The following INSR variants were observed in gnomAD, a reference collection of about 807,000 sequenced individuals.
The protein encoded by INSR is insulin receptor, also known as IR.
Under a neutral mutation model 142.6 loss-of-function variants are expected in INSR, and 67 were observed. The ratio of observed to expected loss-of-function variants is 0.47; its 90% CI spans 0.39 to 0.58. The LOEUF (loss-of-function observed/expected upper bound fraction) is 0.58, where lower values mean the gene tolerates loss of function less well. INSR is among the 20% of genes least tolerant of loss of function. The pLI, the probability that INSR is intolerant of heterozygous loss-of-function variation, is 0.00. For missense variants in INSR, 1,248 were observed against 1,833.2 expected (o/e 0.68, Z 5.83); for synonymous variants, 756 against 743.1 (o/e 1.02, Z -0.28).
At chr19:7,196,968 C>G (rs1029442039) in intron 2 of INSR, among the ~76,000 whole-genome samples, 1 of 152,174 alleles carries the variant, frequency 6.6e-6, no homozygotes, top group Non-Finnish European at 1.5e-5. Context: ...GCCTTTCTCT[C>G]CCACACTGGC....
At chr19:7,191,403 G>A (rs1974586140) in intron 2 of INSR, among the ~76,000 whole-genome samples, 1 of 150,748 alleles carries the variant, frequency 6.6e-6, no homozygotes, top group African/African-American at 2.4e-5. Flanking sequence ...ACTCGGGGTG[G>A]CCACTGCACC....
At position 7,271,595 on chromosome 19, in the gene INSR, A is replaced by C. The variant is rs149884312; in HGVS notation, c.101-3699T>G. On this transcript the variant is annotated intron_variant, in intron 1 of 21. Transcript: ENST00000302850. ...TGGAAAACACTCTGGTAGTTCCTCAAAATATTAAACCAAGAATTGCCATAT... is the reference window on the plus strand; with the variant it reads ...TGGAAAACACTCTGGTAGTTCCTCACAATATTAAACCAAGAATTGCCATAT... Among the ~76,000 whole-genome samples the C allele has an allele frequency of 2.9e-3, 442 of 152,316 alleles. 8 individuals are homozygous for C. Among genetic ancestry groups the C allele is most frequent in the African/African-American group, 0.01 (428 of 41,584 alleles).
intron 9 of INSR, among the ~76,000 whole-genome samples, chr19:7,161,515 GC>G (rs1436515348): frequency 6.6e-6 from 1 of 152,116 alleles, no homozygotes. Context: ...CTCCCAATGT[GC>G]TGGGATTACA....
chr19:7,172,331 G>C lies in INSR; in HGVS notation c.1227C>G (p.Phe409Leu), dbSNP rs1974036344. The change falls in exon 5 of 22, where the codon TTC becomes TTG. Residue 409 changes from phenylalanine to leucine, a missense_variant. By Grantham distance (22) the Phe-to-Leu change is conservative. Coordinates refer to ENST00000302850, the MANE Select transcript of INSR (RefSeq NM_000208.4). The stretch of plus-strand genomic sequence containing the variant: ...CTCCTCGAATCAGACGTAACTTCCG[G>C]AAGAAGGAAAGTGACACCAGAGCGT... The part of the protein sequence containing the change: ...RSYALVSLSF[F>L]RKLRLIRGET... 4 of 1,614,136 alleles carry C rather than the reference G, an allele frequency of 2.5e-6. No individual in the cohort carries two copies. The highest frequency in any genetic ancestry group is 3.4e-6 in the Non-Finnish European group (4 of 1,180,028).
In INSR at chr19:7,153,013, C is replaced by CA. The variant is rs1568448984; in HGVS notation, c.2030-87_2030-86insT. ...CACACACACCCCACACACACACACA[C>CA]CACACACACACACCACACACACACA... is the stretch of plus-strand genomic sequence containing the variant. On this transcript the variant is annotated intron_variant, in intron 9 of 21. Transcript: ENST00000302850. 5.3e-4 allele frequency: 290 copies of CA among 545,052 alleles called. 2 individuals carry two copies. In the African/African-American group the frequency reaches 0.01, roughly 20 times the overall value. 33.8% of individuals were successfully genotyped at this position (545,052 alleles called of 1,614,324 possible). A position where few individuals can be genotyped will look rare whatever the true frequency, so the allele number is the denominator to read the frequency against.
chr19:7,214,838 CTCCT>C (rs1485499885), intron 2 of INSR, among the ~76,000 whole-genome samples: 11 of 144,824 alleles, frequency 7.6e-5, no homozygotes, highest in South Asian at 4.7e-4. Flanking sequence ...CCTTCCCTCC[CTCCT>C]TCCTTCCTTC....
intron 2 of INSR, among the ~76,000 whole-genome samples, chr19:7,190,304 C>T (rs571400169): frequency 1.2e-4 from 18 of 151,168 alleles, no homozygotes; most frequent in African/African-American, 3.9e-4. Flanking sequence ...CATGTTTTGG[C>T]TTTATAATCC....
intron 1 of INSR, among the ~76,000 whole-genome samples, chr19:7,287,383 A>G (rs1419277896): frequency 1.3e-5 from 2 of 151,328 alleles, no homozygotes; most frequent in African/African-American, 4.9e-5. Context: ...CTGGTCTCGA[A>G]CTCCTGACCT....
chr19:7,219,298 C>G (rs1975527053), intron 2 of INSR, among the ~76,000 whole-genome samples: 1 of 152,112 alleles, frequency 6.6e-6, no homozygotes, highest in South Asian at 2.1e-4. Context: ...GCTCCGGGCT[C>G]CAGTTACTTT....
intron 1 of INSR, among the ~76,000 whole-genome samples, chr19:7,282,753 G>A (rs868693069): frequency 1.3e-5 from 2 of 151,890 alleles, no homozygotes; most frequent in African/African-American, 2.4e-5. Flanking sequence ...TTGGGAGGCC[G>A]AGGTGGGGGA....
chr19:7,235,966 C>T (rs1976145855), intron 2 of INSR, among the ~76,000 whole-genome samples: 1 of 126,404 alleles, frequency 7.9e-6, no homozygotes, highest in Admixed American at 9.5e-5. Context: ...ACAATCTGGC[C>T]TTTCCTTTTT....
chr19:7,120,218 C>G (rs770072858), intron 20 of INSR, among the ~76,000 whole-genome samples: 1 of 152,200 alleles, frequency 6.6e-6, no homozygotes, highest in Non-Finnish European at 1.5e-5. Context: ...CTCCCCACTT[C>G]GAGTTGTCTC....
At chr19:7,233,182 C>T (rs12982634) in intron 2 of INSR, among the ~76,000 whole-genome samples, 34,642 of 151,932 alleles carry the variant, frequency 0.23, 5,034 homozygotes, top group Non-Finnish European at 0.32. Context: ...TTAATAGAGA[C>T]GGGGTTTCAC....
rs200600781 is a variant in INSR, at chr19:7,216,981, TTTCTTC to T, written c.653-32350_653-32345del. ...TGTGTGCCACCAAGCCCAGCTAATT[TTTCTTC>T]TTCTTCTTCTTCTTTTTTTTTTTTT... On this transcript the variant is annotated intron_variant, in intron 2 of 21. Coordinates refer to ENST00000302850, the MANE Select transcript of INSR (RefSeq NM_000208.4). The surrounding 1 kb of genome is among the most constrained non-coding windows in gnomAD (Gnocchi z 4.2). Among the ~76,000 whole-genome samples, 22 of 134,430 alleles carry T rather than the reference TTTCTTC, an allele frequency of 1.6e-4. No homozygotes were observed. The highest frequency in any genetic ancestry group is 4.3e-4 in the East Asian group (2 of 4,634). The allele number at this position is 134,430 out of a possible 152,430, so 88.2% of individuals were successfully genotyped here.
chr19:7,203,050 C>T (rs1429884845), intron 2 of INSR, among the ~76,000 whole-genome samples: 2 of 144,672 alleles, frequency 1.4e-5, no homozygotes, highest in Non-Finnish European at 3.0e-5. Flanking sequence ...CTAACTATTC[C>T]AAGAGCACTT....
At chr19:7,289,482 T>G (rs1968433703) in intron 1 of INSR, among the ~76,000 whole-genome samples, 2 of 146,356 alleles carry the variant, frequency 1.4e-5, no homozygotes, top group African/African-American at 5.0e-5. Flanking sequence ...CTCGGCTCAC[T>G]GCAAGCTCTG....
intron 4 of INSR, among the ~76,000 whole-genome samples, chr19:7,173,461 G>A (rs1430082845): frequency 6.6e-6 from 1 of 151,674 alleles, no homozygotes; most frequent in African/African-American, 2.4e-5. Flanking sequence ...TAGGACTACA[G>A]GCATGTGCCA....
At chr19:7,240,021 C>G (rs530374932) in intron 2 of INSR, among the ~76,000 whole-genome samples, 1 of 152,198 alleles carries the variant, frequency 6.6e-6, no homozygotes, top group South Asian at 2.1e-4. Context: ...TGCAAGCTCT[C>G]GCGGAGTATT....
At chr19:7,134,642 G>A (rs985482108) in intron 13 of INSR, among the ~76,000 whole-genome samples, 3 of 151,858 alleles carry the variant, frequency 2.0e-5, no homozygotes, top group Non-Finnish European at 4.4e-5. Context: ...GTGTGCGCCT[G>A]TAATCCCAGC....
Sources: gnomAD v4.1 joint callset for allele counts (sites outside exome capture counted in the v4.1 genomes callset) on GRCh38, gnomAD v4.1.1 for gene constraint, Gnocchi (gnomAD v3.1) non-coding constraint, MANE v1.5 for transcripts, NCBI Gene and HGNC (gene_info 2026-07-23, HGNC 2026-07-21) for gene names.